BAHCC1: variants seen among roughly 807,000 people sequenced by gnomAD.
BAHCC1 encodes the protein BAH domain and coiled-coil containing 1, also known as BAH and coiled-coil domain-containing protein 1.
In BAHCC1, 43 loss-of-function variants were observed where a neutral mutation model predicts 88.2. That is an observed-to-expected ratio of 0.49 (90% CI 0.38 to 0.63). The LOEUF is 0.63. Among genes scored for constraint, BAHCC1 ranks in the 20% least tolerant of loss-of-function variants. The probability of loss-of-function intolerance (pLI) is 0.00; values close to 1 mark genes in which losing one functional copy is unlikely to be tolerated. For missense variants in BAHCC1, 3,023 were observed against 1,654.8 expected, an observed-to-expected ratio of 1.83 and a Z score of -14.34; for synonymous variants, 1,510 against 745.5, an observed-to-expected ratio of 2.03 and a Z score of -16.71.
intron 2 of BAHCC1, chr17:81,401,115 A>G (rs1346543587): frequency 1.3e-5 from 2 of 152,286 alleles, no homozygotes; most frequent in African/African-American, 4.8e-5. Flanking sequence ...TGTGTGGATT[A>G]AAACGGATGG....
chr17:81,450,651 C>G (rs782352096), intron 11 of BAHCC1, among the ~76,000 whole-genome samples: 28 of 152,198 alleles, frequency 1.8e-4, no homozygotes, highest in Non-Finnish European at 3.7e-4. Context: ...GTTCAGAGAC[C>G]GGGCAGGGGC....
rs782621311 is a variant in BAHCC1 at position 81,452,842 on chromosome 17, A to G, written c.4436A>G (p.Lys1479Arg). ...PTGPLPRSDG[K>R]KVKAVRTSLG... ...GGGCCGCTCCCCAGGAGCGATGGCA[A>G]GAAAGTCAAGTGAGTCCTGGGCACT... Residue 1479 changes from lysine (K) to arginine (R), a missense_variant, in exon 14 of 28, where the codon AAG (lysine) becomes AGG (arginine). Lys to Arg is a conservative substitution (Grantham distance 26). Transcript: ENST00000675386. The G allele has an allele frequency of 2.3e-5, 17 of 745,528 alleles. No individual in the cohort carries two copies. Among genetic ancestry groups the G allele is most frequent in the Admixed American group, 7.5e-5 (4 of 53,140 alleles). 46.2% of individuals were successfully genotyped at this position (745,528 alleles called of 1,614,324 possible).
intron 3 of BAHCC1, among the ~76,000 whole-genome samples, chr17:81,427,238 G>C (rs2064210906): frequency 6.8e-6 from 1 of 146,822 alleles, no homozygotes. Context: ...AGGGGAAACA[G>C]GGGGGCCAGG....
intron 2 of BAHCC1, among the ~76,000 whole-genome samples, chr17:81,425,155 G>A (rs1488598100): frequency 2.7e-5 from 3 of 109,222 alleles, no homozygotes; most frequent in African/African-American, 1.1e-4. Context: ...GGGGGTGATG[G>A]TGGGTGTTGT....
chr17:81,449,253 G>C (rs994312937), intron 11 of BAHCC1, among the ~76,000 whole-genome samples: 1 of 152,116 alleles, frequency 6.6e-6, no homozygotes. Context: ...TCTGCCCTCC[G>C]GGTCTCCACC....
At chr17:81,419,594 C>G (rs1299669034) in intron 2 of BAHCC1, among the ~76,000 whole-genome samples, 1 of 151,498 alleles carries the variant, frequency 6.6e-6, no homozygotes, top group African/African-American at 2.4e-5. Context: ...GAAGCCAGTG[C>G]CGAGGGAAGA....
intron 2 of BAHCC1, chr17:81,415,717 C>T: frequency 2.8e-6 from 1 of 352,884 alleles, no homozygotes; most frequent in Non-Finnish European, 5.5e-6. Flanking sequence ...AACATAGCCA[C>T]CTCCATGCTG....
chr17:81,415,550 GC>G (rs782135303), intron 2 of BAHCC1: 2 of 516,894 alleles, frequency 3.9e-6, no homozygotes, highest in Non-Finnish European at 3.9e-6. Flanking sequence ...TGCCCTTTCA[GC>G]CTGCAGTGAC....
intron 2 of BAHCC1, chr17:81,406,788 C>T (rs922522872): frequency 1.1e-4 from 46 of 425,090 alleles, no homozygotes; most frequent in Admixed American, 4.5e-4. Context: ...GGGCAGGCGG[C>T]GCCCAGGTCC....
At chr17:81,424,851 G>A (rs1205041590) in intron 2 of BAHCC1, among the ~76,000 whole-genome samples, 1 of 151,442 alleles carries the variant, frequency 6.6e-6, no homozygotes, top group African/African-American at 2.4e-5. Flanking sequence ...GGTGACAGGT[G>A]ATGTGGTTGG....
At chr17:81,452,396 C>G (rs1598501280) in intron 13 of BAHCC1, among the ~76,000 whole-genome samples, 1 of 143,228 alleles carries the variant, frequency 7.0e-6, no homozygotes, top group South Asian at 2.2e-4. Context: ...GGTGAGGGGA[C>G]AGTGGCAGAA....
intron 2 of BAHCC1, among the ~76,000 whole-genome samples, chr17:81,421,293 CAGGCAGCTG>C (rs2064112841): frequency 6.6e-6 from 1 of 152,264 alleles, no homozygotes; most frequent in Admixed American, 6.5e-5. Flanking sequence ...ACTCGGCTCC[CAGGCAGCTG>C]AGGCACAGGC....
intron 24 of BAHCC1, 22 bp from the exon 25 acceptor site, chr17:81,460,508 C>T: frequency 1.4e-6 from 1 of 736,482 alleles, no homozygotes; most frequent in Non-Finnish European, 2.5e-6. Context: ...GCACTGAAGC[C>T]CTTGGCCCAT....
At position 81,451,769 on chromosome 17, in the gene BAHCC1, C is replaced by T; in HGVS notation, c.4078C>T (p.Pro1360Ser). The change falls in exon 12 of 28, where the codon CCA becomes TCA. Residue 1360 changes from proline (P) to serine (S), a missense_variant. Transcript: ENST00000675386. The part of the protein sequence containing the change: ...EAAGLDSSTA[P>S]AQPPTANPCS... ...CGCTGGCCTGGACAGCTCCACTGCCCCAGCGCAGCCGCCCACAGCCAACCC... is the reference window on the plus strand; with the variant it reads ...CGCTGGCCTGGACAGCTCCACTGCCTCAGCGCAGCCGCCCACAGCCAACCC... 1.3e-6 allele frequency: 1 copy of T among 769,780 alleles called. No homozygotes were observed. The allele number at this position is 769,780 out of a possible 1,614,324, so 47.7% of individuals were successfully genotyped here.
At chr17:81,416,930 G>C (rs2064040003) in intron 2 of BAHCC1, among the ~76,000 whole-genome samples, 1 of 152,190 alleles carries the variant, frequency 6.6e-6, no homozygotes, top group South Asian at 2.1e-4. Context: ...CTCTGTCGGG[G>C]CTCATCCTAT....
chr17:81,444,783 C>T lies in BAHCC1; in HGVS notation c.2628C>T (p.Ile876=), dbSNP rs1555653857. The change falls in exon 8 of 28, where the codon ATC becomes ATT. Residue 876 remains isoleucine (I), a synonymous_variant. Transcript: ENST00000675386. ...AGGACGCCCCCACACAGCTGGTCAT[C>T]CTGCCCTCAGAGCCCACACCCCACA... ...LPQDAPTQLV[I]LPSEPTPHSA... 2.6e-6 allele frequency: 2 copies of T among 778,736 alleles called. No homozygotes were observed. Among genetic ancestry groups the T allele is most frequent in the South Asian group, 1.3e-5 (1 of 74,576 alleles). 48.2% of individuals were successfully genotyped at this position (778,736 alleles called of 1,614,324 possible). A position where few individuals can be genotyped will look rare whatever the true frequency, so the allele number is the denominator to read the frequency against.
intron 2 of BAHCC1, chr17:81,421,875 G>T: frequency 3.0e-6 from 1 of 331,966 alleles, no homozygotes; most frequent in Non-Finnish European, 6.1e-6. Flanking sequence ...CAGGATGCCT[G>T]GGCACGGAAT....
chr17:81,399,978 AC>A lies in BAHCC1; in HGVS notation c.178+65del. ...CGTTCGAGAGCGGAACAGGGCGCCC[AC>A]CCCTCCGCTCCCGGGAGCAGAGAAG... is the stretch of plus-strand genomic sequence containing the variant. On this transcript the variant is annotated intron_variant, in intron 2 of 27. Transcript: ENST00000675386. The surrounding 1 kb of genome is among the most constrained non-coding windows in gnomAD (Gnocchi z 4.5). 4 of 1,222,024 alleles carry A rather than the reference AC, an allele frequency of 3.3e-6. No homozygotes were observed. Among genetic ancestry groups the A allele is most frequent in the East Asian group, 3.4e-5 (1 of 29,642 alleles). 75.7% of individuals were successfully genotyped at this position (1,222,024 alleles called of 1,614,324 possible). A position where few individuals can be genotyped will look rare whatever the true frequency, so the allele number is the denominator to read the frequency against.
Position 81,458,233 on chromosome 17 carries a change from G to A in BAHCC1, c.5110G>A (p.Gly1704Ser), listed in dbSNP as rs1223096563. The A allele has an allele frequency of 8.1e-6, 6 of 736,754 alleles. No individual in the cohort carries two copies. Among genetic ancestry groups the A allele is most frequent in the Non-Finnish European group, 1.3e-5 (5 of 396,700 alleles). 45.6% of individuals were successfully genotyped at this position (736,754 alleles called of 1,614,324 possible). Residue 1704 changes from glycine to serine, a missense_variant, in exon 18 of 28, where the codon GGC becomes AGC. Physicochemically the swap from Gly to Ser is moderately conservative, Grantham distance 56 (BLOSUM62 0). Coordinates refer to ENST00000675386, the MANE Select transcript of BAHCC1 (RefSeq NM_001377448.1). The part of the protein sequence containing the change: ...IKRRSVKAKV[G>S]TTLERAPGQR... The stretch of plus-strand genomic sequence containing the variant: ...GAGGCGGTCGGTGAAGGCCAAGGTG[G>A]GCACCACCCTGGAGCGGGCCCCAGG...
Sources: gnomAD v4.1 joint callset for allele counts (sites outside exome capture counted in the v4.1 genomes callset) on GRCh38, gnomAD v4.1.1 for gene constraint, Gnocchi (gnomAD v3.1) non-coding constraint, MANE v1.5 for transcripts, NCBI Gene and HGNC (gene_info 2026-07-23, HGNC 2026-07-21) for gene names.